ACCSL: variants seen among roughly 807,000 people sequenced by gnomAD.
The protein encoded by ACCSL is 1-aminocyclopropane-1-carboxylate synthase homolog (inactive) like, also known as probable inactive 1-aminocyclopropane-1-carboxylate synthase-like protein 2.
In ACCSL, 55 loss-of-function variants were observed where a neutral mutation model predicts 61.7. That is an observed-to-expected ratio of 0.89 (90% confidence interval 0.72 to 1.12). The LOEUF (loss-of-function observed/expected upper bound fraction) is 1.12. Among genes scored for constraint, ACCSL ranks in the 50% most tolerant of loss-of-function variants. The probability of loss-of-function intolerance (pLI) is 0.00; values close to 1 mark genes in which losing one functional copy is unlikely to be tolerated. For missense variants in ACCSL, 632 were observed against 698.0 expected, an observed-to-expected ratio of 0.91 and a Z score of 1.07; for synonymous variants, 258 against 264.3, an observed-to-expected ratio of 0.98 and a Z score of 0.23.
the ACCSL span, among the ~76,000 whole-genome samples, chr11:43,929,332 A>G: frequency 6.6e-6 from 1 of 152,092 alleles, no homozygotes; most frequent in African/African-American, 2.4e-5. Context: ...TGATCCTCCT[A>G]CCTCAGCCTC....
At chr11:43,938,364 T>C in the ACCSL span, among the ~76,000 whole-genome samples, 1 of 152,228 alleles carries the variant, frequency 6.6e-6, no homozygotes, top group Non-Finnish European at 1.5e-5. Context: ...AGTCCAGCCT[T>C]GCAATTTTGT....
At chr11:44,052,275 T>A (rs927583600) in intron 5 of ACCSL, among the ~76,000 whole-genome samples, 2 of 152,358 alleles carry the variant, frequency 1.3e-5, no homozygotes, top group Admixed American at 6.5e-5. Context: ...GATCACCATG[T>A]CCAAATAACT....
chr11:44,038,288 G>T, the ACCSL span, among the ~76,000 whole-genome samples: 2 of 152,154 alleles, frequency 1.3e-5, no homozygotes, highest in Admixed American at 6.5e-5. Context: ...GGACAGAGTA[G>T]CCCAGACGCT....
the ACCSL span, among the ~76,000 whole-genome samples, chr11:43,999,821 T>TG: frequency 6.6e-6 from 1 of 151,208 alleles, no homozygotes; most frequent in Non-Finnish European, 1.5e-5. Flanking sequence ...TCAGTATCTG[T>TG]GGGTTCCACA....
the ACCSL span, among the ~76,000 whole-genome samples, chr11:44,034,507 G>A: frequency 2.0e-5 from 3 of 152,170 alleles, no homozygotes; most frequent in Non-Finnish European, 4.4e-5. Context: ...TGGCCGAGGA[G>A]GCCTCACAAT....
chr11:43,994,601 A>G, the ACCSL span, among the ~76,000 whole-genome samples: 1 of 150,040 alleles, frequency 6.7e-6, no homozygotes, highest in Non-Finnish European at 1.5e-5. Context: ...TCATTTTGGG[A>G]GGTAAAAGGG....
rs377450567 is a variant in ACCSL, at chr11:44,053,390, T to C, written c.949-16T>C. 1.4e-5 allele frequency: 22 copies of C among 1,610,224 alleles called. No individual in the cohort carries two copies. Among genetic ancestry groups the C allele is most frequent in the Non-Finnish European group, 1.7e-5 (20 of 1,176,606 alleles). ...AAGGACTTGTATTCACTCAGTTATA[T>C]TTGGGTTTTTCTTAGGGGAAAAAGG... On this transcript the variant is annotated splice_polypyrimidine_tract_variant and intron_variant, in intron 7 of 13. Coordinates refer to ENST00000378832, the MANE Select transcript of ACCSL (RefSeq NM_001031854.2).
chr11:44,052,886 G>A, intron 6 of ACCSL, 105 bp from the exon 7 acceptor site: 1 of 1,440,054 alleles, frequency 6.9e-7, no homozygotes. Context: ...GAAGGCATGT[G>A]GACTGGCACT....
chr11:43,982,062 TTGG>T, the ACCSL span, among the ~76,000 whole-genome samples: 1 of 152,084 alleles, frequency 6.6e-6, no homozygotes, highest in African/African-American at 2.4e-5. Flanking sequence ...GGGGGAGCTG[TTGG>T]TGGGTTCTCG....
chr11:44,059,106 G>A (rs914556586), intron 13 of ACCSL, among the ~76,000 whole-genome samples: 3 of 152,186 alleles, frequency 2.0e-5, no homozygotes, highest in Non-Finnish European at 4.4e-5. Flanking sequence ...GCCACGCATG[G>A]TGGCGCACGC....
At chr11:44,038,634 G>A in the ACCSL span, among the ~76,000 whole-genome samples, 8,425 of 152,116 alleles carry the variant, frequency 0.055, 460 homozygotes, top group African/African-American at 0.14. Context: ...GTGAGGGGGA[G>A]AGGAATGCAA....
chr11:43,934,034 G>A, the ACCSL span, among the ~76,000 whole-genome samples: 450 of 152,182 alleles, frequency 3.0e-3, 2 homozygotes, highest in Non-Finnish European at 3.7e-3. Context: ...CGATGAGGGG[G>A]CTGTCACTGG....
the ACCSL span, among the ~76,000 whole-genome samples, chr11:44,018,230 G>A: frequency 6.6e-6 from 1 of 152,092 alleles, no homozygotes; most frequent in Non-Finnish European, 1.5e-5. Flanking sequence ...TCTGAGAGAG[G>A]GTGAGCTTCC....
the ACCSL span, among the ~76,000 whole-genome samples, chr11:44,020,314 C>G: frequency 1.3e-5 from 2 of 151,906 alleles, no homozygotes; most frequent in Non-Finnish European, 2.9e-5. Context: ...AGCCTGGATG[C>G]CTTTTATTTC....
the ACCSL span, among the ~76,000 whole-genome samples, chr11:44,030,640 G>A: frequency 1.3e-5 from 2 of 152,048 alleles, no homozygotes; most frequent in African/African-American, 4.8e-5. Flanking sequence ...TGTTGTTGAT[G>A]TATTGTTTTT....
upstream of ACCSL, among the ~76,000 whole-genome samples, chr11:44,043,636 T>C (rs1035490650): frequency 1.3e-5 from 2 of 152,216 alleles, no homozygotes; most frequent in African/African-American, 4.8e-5. Context: ...CTTATTCAAA[T>C]GATTTTTGTC....
the ACCSL span, among the ~76,000 whole-genome samples, chr11:43,972,026 A>G: frequency 9.2e-5 from 14 of 152,246 alleles, no homozygotes; most frequent in Non-Finnish European, 1.8e-4. Flanking sequence ...CTCTGAGAAA[A>G]CAGCATGTCT....
chr11:44,002,568 T>C, the ACCSL span, among the ~76,000 whole-genome samples: 1 of 152,128 alleles, frequency 6.6e-6, no homozygotes, highest in Non-Finnish European at 1.5e-5. Flanking sequence ...CCAAGAGACC[T>C]GGCTTTGGGA....
chr11:44,034,333 T>C, the ACCSL span, among the ~76,000 whole-genome samples: 2 of 152,200 alleles, frequency 1.3e-5, no homozygotes, highest in African/African-American at 4.8e-5. Flanking sequence ...ACATGGCCCC[T>C]GGCTGAGCAT....
Sources: gnomAD v4.1 joint callset for allele counts (sites outside exome capture counted in the v4.1 genomes callset) on GRCh38, gnomAD v4.1.1 for gene constraint, MANE v1.5 for transcripts, NCBI Gene and HGNC (gene_info 2026-07-23, HGNC 2026-07-21) for gene names.